MAML1: variants seen among roughly 807,000 people sequenced by gnomAD.
MAML1 encodes mastermind-like protein 1.
A neutral mutation model predicts 77.1 loss-of-function variants in MAML1; 14 were observed. That is an observed-to-expected ratio of 0.18 (90% CI 0.12 to 0.28). The LOEUF is 0.28. Among genes scored for constraint, MAML1 ranks in the 10% least tolerant of loss-of-function variants. The pLI, the probability that MAML1 is intolerant of heterozygous loss-of-function variation, is 1.00. For missense variants in MAML1, 1,217 were observed against 1,327.8 expected (o/e 0.92, Z 1.30); for synonymous variants, 516 against 551.9 (o/e 0.93, Z 0.91).
At chr5:179,754,174 CAA>C (rs1779567582) in intron 1 of MAML1, among the ~76,000 whole-genome samples, 1 of 152,086 alleles carries the variant, frequency 6.6e-6, no homozygotes, top group Non-Finnish European at 1.5e-5. Context: ...CTCAGATACT[CAA>C]GAGGCTACAA....
At chr5:179,753,656 T>A (rs866288935) in intron 1 of MAML1, among the ~76,000 whole-genome samples, 1,746 of 95,934 alleles carry the variant, frequency 0.018, 32 homozygotes, top group African/African-American at 0.061. Flanking sequence ...TTATTATTAT[T>A]TTTTTTTTTT....
In MAML1 at chr5:179,765,122, A is replaced by C. The variant is rs1226936784; in HGVS notation, c.316-204A>C. On this transcript the variant is annotated intron_variant, in intron 1 of 4. Coordinates refer to ENST00000292599, the MANE Select transcript of MAML1 (RefSeq NM_014757.5). ...GTCTCCTGCAGAAAGAGGACTGCAG[A>C]AGCACTTTAGCTAGACATCAGTTCT... Among the ~76,000 whole-genome samples the C allele has an allele frequency of 2.0e-5, 3 of 151,942 alleles. No individual in the cohort carries two copies. The East Asian group carries it at 5.8e-4, about 29-fold the overall frequency.
At chr5:179,736,862 G>T (rs1266049884) in intron 1 of MAML1, among the ~76,000 whole-genome samples, 3 of 151,912 alleles carry the variant, frequency 2.0e-5, no homozygotes, top group African/African-American at 7.3e-5. Context: ...ACGGGAGGCT[G>T]AGGGAGGAGA....
rs1347497316 is a variant in MAML1 at position 179,771,261 on chromosome 5, G to A, written c.2068+18G>A. 1 of 1,607,736 alleles carries A rather than the reference G, an allele frequency of 6.2e-7. No homozygotes were observed. The highest frequency in any genetic ancestry group is 8.5e-7 in the Non-Finnish European group (1 of 1,174,162). ...GTTCACAGGTAGGGGGTGTCTGTGTGACGAGCAGGGACAGGGGAGGCCGCT... is the reference window on the plus strand; with the variant it reads ...GTTCACAGGTAGGGGGTGTCTGTGTAACGAGCAGGGACAGGGGAGGCCGCT... On this transcript the variant is annotated intron_variant, in intron 4 of 4. Coordinates refer to ENST00000292599, the MANE Select transcript of MAML1 (RefSeq NM_014757.5). The surrounding 1 kb of genome is among the most constrained non-coding windows in gnomAD (Gnocchi z 4.7).
Position 179,766,074 on chromosome 5 carries a change from G to T in MAML1, c.1064G>T (p.Arg355Leu). 1 of 1,587,188 alleles carries T rather than the reference G, an allele frequency of 6.3e-7. No homozygotes were observed. Among genetic ancestry groups the T allele is most frequent in the Non-Finnish European group, 8.6e-7 (1 of 1,167,904 alleles). Residue 355 changes from arginine (R) to leucine (L), a missense_variant, in exon 2 of 5, where the codon CGG becomes CTG. Physicochemically the swap from Arg to Leu is moderately radical, Grantham distance 102. This residue lies in a region of MAML1 where 884 missense variants were observed against 949.3 expected (regional missense o/e 0.93). Transcript: ENST00000292599. The surrounding 1 kb of genome is among the most constrained non-coding windows in gnomAD (Gnocchi z 4.0). The part of the protein sequence containing the change: ...QTLFHTSGQP[R>L]ADNPSPNLMP... ...TTATTCCACACCTCTGGTCAGCCCC[G>T]GGCGGACAATCCCAGTCCAAACCTG...
In MAML1 at chr5:179,733,243, T is replaced by C; in HGVS notation, c.131T>C (p.Val44Ala). The change falls in exon 1 of 5, where the codon GTG (valine) becomes GCG (alanine). Residue 44 changes from valine to alanine, a missense_variant. Physicochemically the swap from Val to Ala is moderately conservative, Grantham distance 64. Around this residue, in one of 3 missense-constraint regions of MAML1, gnomAD observed 312 missense variants for 331.4 expected, o/e 0.94. Coordinates refer to ENST00000292599, the MANE Select transcript of MAML1 (RefSeq NM_014757.5). ...ACCTGCGAGGCCCGCTACGAGGCCG[T>C]GTCGCCCGAGCGCCTGGAGCTGGAG... ...HSTCEARYEA[V>A]SPERLELERQ... 22 of 1,474,700 alleles carry C rather than the reference T, an allele frequency of 1.5e-5. No individual in the cohort carries two copies. Among genetic ancestry groups the C allele is most frequent in the Admixed American group, 2.2e-5 (1 of 45,010 alleles). 91.4% of individuals were successfully genotyped at this position (1,474,700 alleles called of 1,614,324 possible).
In MAML1 at chr5:179,771,042, G is replaced by T; in HGVS notation, c.1972-105G>T. On this transcript the variant is annotated intron_variant, in intron 3 of 4. Coordinates refer to ENST00000292599, the MANE Select transcript of MAML1 (RefSeq NM_014757.5). This position sits in a 1 kb window ranked among gnomAD's most constrained non-coding sequence, Gnocchi z 4.7. ...ACTATTTCCACAGGAGCCCATTTGT[G>T]AGTAACAAACTTGGATAAGTTACTT... 1.3e-6 allele frequency: 1 copy of T among 790,042 alleles called. No homozygotes were observed. Among genetic ancestry groups the T allele is most frequent in the South Asian group, 1.5e-5 (1 of 67,910 alleles). The allele number at this position is 790,042 out of a possible 1,614,324, so 48.9% of individuals were successfully genotyped here. A position where few individuals can be genotyped will look rare whatever the true frequency, so the allele number is the denominator to read the frequency against.
Position 179,766,628 on chromosome 5 carries a change from A to G in MAML1, c.1618A>G (p.Met540Val), listed in dbSNP as rs199653012. 3.1e-6 allele frequency: 5 copies of G among 1,612,952 alleles called. No individual in the cohort carries two copies. In the East Asian group the frequency reaches 1.1e-4, roughly 36 times the overall value. The change falls in exon 2 of 5, where the codon ATG becomes GTG. Residue 540 changes from methionine (M) to valine (V), a missense_variant. By Grantham distance (21) the Met-to-Val change is conservative. Around this residue, in one of 3 missense-constraint regions of MAML1, gnomAD observed 884 missense variants for 949.3 expected, o/e 0.93. Transcript: ENST00000292599. This position sits in a 1 kb window ranked among gnomAD's most constrained non-coding sequence, Gnocchi z 4.0. ...GTCTGGCCAGAGCAAGCCAGCCCTG[A>G]TGGCTTATCTTCCCCAGCAGCTGTC... The part of the protein sequence containing the change: ...PGSGQSKPAL[M>V]AYLPQQLSHI...
At chr5:179,752,350 AAT>A (rs1554150145) in intron 1 of MAML1, among the ~76,000 whole-genome samples, 29 of 66,716 alleles carry the variant, frequency 4.3e-4, no homozygotes, top group African/African-American at 1.8e-3. Flanking sequence ...AAAAAAAAAA[AAT>A]ATATATATAT....
rs758543448 is a variant in MAML1, at chr5:179,733,169, C to G, written c.57C>G (p.Val19=). The G allele has an allele frequency of 5.0e-5, 74 of 1,469,200 alleles. No individual in the cohort carries two copies. Among genetic ancestry groups the G allele is most frequent in the South Asian group, 2.1e-4 (17 of 79,346 alleles). 91.0% of individuals were successfully genotyped at this position (1,469,200 alleles called of 1,614,324 possible). ...AEFALPRHSA[V]MERLRRRIEL... ...TCGCGCTGCCGCGGCACAGCGCGGTCATGGAGCGCCTTCGCCGGCGCATCG... is the reference window on the plus strand; with the variant it reads ...TCGCGCTGCCGCGGCACAGCGCGGTGATGGAGCGCCTTCGCCGGCGCATCG... Residue 19 remains valine (V), a synonymous_variant, in exon 1 of 5, where the codon GTC becomes GTG. Coordinates refer to ENST00000292599, the MANE Select transcript of MAML1 (RefSeq NM_014757.5).
intron 1 of MAML1, among the ~76,000 whole-genome samples, chr5:179,751,641 G>A (rs1382686028): frequency 6.6e-6 from 1 of 151,980 alleles, no homozygotes; most frequent in East Asian, 1.9e-4. Context: ...GGAGGCAGCG[G>A]GTGCAGTGAG....
intron 1 of MAML1, among the ~76,000 whole-genome samples, chr5:179,763,264 T>A (rs1171216030): frequency 2.0e-5 from 3 of 152,238 alleles, no homozygotes; most frequent in African/African-American, 7.2e-5. Flanking sequence ...AAGGAAAACT[T>A]TTCAAATAAT....
intron 1 of MAML1, among the ~76,000 whole-genome samples, chr5:179,739,180 T>TG (rs1218594736): frequency 6.6e-6 from 1 of 152,088 alleles, no homozygotes; most frequent in Non-Finnish European, 1.5e-5. Context: ...AAATATTTTT[T>TG]GGAAAAAAAA....
chr5:179,746,968 G>A (rs1779394427), intron 1 of MAML1, among the ~76,000 whole-genome samples: 1 of 152,060 alleles, frequency 6.6e-6, no homozygotes, highest in South Asian at 2.1e-4. Flanking sequence ...TTTCCCAGCC[G>A]CCTACCCCTG....
At chr5:179,737,182 G>A (rs1400550152) in intron 1 of MAML1, among the ~76,000 whole-genome samples, 1 of 152,116 alleles carries the variant, frequency 6.6e-6, no homozygotes, top group African/African-American at 2.4e-5. Context: ...GCCATGTTAA[G>A]GTGATGTCTT....
At chr5:179,773,471 CCAGCCTGCACCCTG>C (rs1756047526) in intron 4 of MAML1, among the ~76,000 whole-genome samples, 1 of 152,266 alleles carries the variant, frequency 6.6e-6, no homozygotes, top group Non-Finnish European at 1.5e-5. Flanking sequence ...GCCAGGGCTT[CCAGCCTGCACCCTG>C]CAGCCTGCTG....
chr5:179,741,957 G>A (rs527660415), intron 1 of MAML1, among the ~76,000 whole-genome samples: 30 of 151,774 alleles, frequency 2.0e-4, no homozygotes, highest in South Asian at 4.2e-4. Flanking sequence ...GAGTGCAGTG[G>A]GGTGATCTCG....
In MAML1 at chr5:179,766,747, T is replaced by C; in HGVS notation, c.1731+6T>C. 29 of 1,523,172 alleles carry C rather than the reference T, an allele frequency of 1.9e-5. No individual in the cohort carries two copies. Among genetic ancestry groups the C allele is most frequent in the Non-Finnish European group, 2.6e-5 (29 of 1,134,376 alleles). The allele number at this position is 1,523,172 out of a possible 1,614,324, so 94.4% of individuals were successfully genotyped here. On this transcript the variant is annotated splice_donor_region_variant and intron_variant, in intron 2 of 4. Coordinates refer to ENST00000292599, the MANE Select transcript of MAML1 (RefSeq NM_014757.5). This position sits in a 1 kb window ranked among gnomAD's most constrained non-coding sequence, Gnocchi z 4.0. Reference sequence around the variant, plus strand: ...CACTGGTTCCACCTGGCCAGGTAAGTATGAGCCTTTGCTTTCTGTTCCTCT... The same window carrying C: ...CACTGGTTCCACCTGGCCAGGTAAGCATGAGCCTTTGCTTTCTGTTCCTCT...
chr5:179,753,850 T>C (rs530088610), intron 1 of MAML1, among the ~76,000 whole-genome samples: 6 of 151,868 alleles, frequency 4.0e-5, no homozygotes, highest in Non-Finnish European at 7.4e-5. Context: ...TTTTTTATTT[T>C]TAGTAGAGAT....
Sources: gnomAD v4.1 joint callset for allele counts (sites outside exome capture counted in the v4.1 genomes callset) on GRCh38, gnomAD v4.1.1 for gene constraint, gnomAD v4.1.1 regional missense constraint, Gnocchi (gnomAD v3.1) non-coding constraint, MANE v1.5 for transcripts, NCBI Gene and HGNC (gene_info 2026-07-23, HGNC 2026-07-21) for gene names.